GRID1: variants seen among roughly 807,000 people sequenced by gnomAD.
The protein encoded by GRID1 is glutamate ionotropic receptor delta type subunit 1.
In GRID1, 28 loss-of-function variants were observed where a neutral mutation model predicts 98.0. The ratio of observed to expected loss-of-function variants is 0.29; its 90% CI spans 0.21 to 0.39. The LOEUF (loss-of-function observed/expected upper bound fraction) is 0.39. Among genes scored for constraint, GRID1 ranks in the 10% least tolerant of loss-of-function variants. GRID1 has a pLI of 1.00. For synonymous variants in GRID1, 553 were observed against 538.5 expected (o/e 1.03, Z -0.37); for missense variants, 1,111 against 1,340.5 (o/e 0.83, Z 2.67).
chr10:86,179,722 C>A (rs1845628044), intron 3 of GRID1, among the ~76,000 whole-genome samples: 1 of 152,158 alleles, frequency 6.6e-6, no homozygotes, highest in Non-Finnish European at 1.5e-5. Flanking sequence ...CTAGCCCAAA[C>A]CAGTGCATCA....
chr10:86,224,771 C>A (rs1298263836), intron 2 of GRID1, among the ~76,000 whole-genome samples: 2 of 152,212 alleles, frequency 1.3e-5, no homozygotes, highest in Non-Finnish European at 2.9e-5. Flanking sequence ...AACCACCAAG[C>A]CCATGGCTCT....
intron 12 of GRID1, among the ~76,000 whole-genome samples, chr10:85,651,170 C>A (rs116078527): frequency 6.6e-6 from 1 of 152,206 alleles, no homozygotes; most frequent in African/African-American, 2.4e-5. Flanking sequence ...ATAACTCATA[C>A]CCAACTCACA....
Position 85,729,533 on chromosome 10 carries a change from G to T in GRID1, c.1315C>A (p.Leu439Ile). Residue 439 changes from leucine to isoleucine, a missense_variant, in exon 9 of 16, where the codon CTT (leucine) becomes ATT (isoleucine). By Grantham distance (5) the Leu-to-Ile change is conservative. Transcript: ENST00000327946. ...CCTACCAAGACAGTCACCACTTTAA[G>T]AGTCAATCCTTGGAGGCGGCTGCCC... ...PMGSRLQGLT[L>I]KVVTVLEEPF... 1 of 1,608,380 alleles carries T rather than the reference G, an allele frequency of 6.2e-7. No individual in the cohort carries two copies. Among genetic ancestry groups the T allele is most frequent in the Non-Finnish European group, 8.5e-7 (1 of 1,175,014 alleles).
chr10:85,918,433 CGCTGG>C (rs761175288), intron 4 of GRID1, among the ~76,000 whole-genome samples: 28 of 152,188 alleles, frequency 1.8e-4, no homozygotes, highest in Non-Finnish European at 3.5e-4. Flanking sequence ...AAAAGCACAT[CGCTGG>C]GCTCTAGCTC....
At chr10:85,925,498 G>A (rs1841762273) in intron 4 of GRID1, among the ~76,000 whole-genome samples, 2 of 152,172 alleles carry the variant, frequency 1.3e-5, no homozygotes, top group Non-Finnish European at 1.5e-5. Flanking sequence ...ACGGCCCTGG[G>A]GTGGCAGGTG....
intron 4 of GRID1, among the ~76,000 whole-genome samples, chr10:86,104,071 C>T (rs1439371158): frequency 2.6e-5 from 4 of 152,192 alleles, no homozygotes; most frequent in African/African-American, 7.2e-5. Context: ...CATACTTGTT[C>T]CAGTCTGGCA....
At chr10:85,649,899 C>G (rs1843244057) in intron 12 of GRID1, 2 of 152,302 alleles carry the variant, frequency 1.3e-5, no homozygotes, top group Admixed American at 1.3e-4. Context: ...CAGCTTTCAT[C>G]CATCCATCAC....
intron 2 of GRID1, among the ~76,000 whole-genome samples, chr10:86,239,156 G>A (rs1480004589): frequency 1.3e-5 from 2 of 152,262 alleles, no homozygotes; most frequent in Non-Finnish European, 2.9e-5. Context: ...CTTTGTATTA[G>A]TGTTGCCTGG....
intron 2 of GRID1, among the ~76,000 whole-genome samples, chr10:86,330,359 A>G (rs753974864): frequency 5.9e-5 from 9 of 151,754 alleles, no homozygotes; most frequent in Non-Finnish European, 7.4e-5. Context: ...GGTCCTGGCC[A>G]CCCCACAAGT....
At chr10:86,276,040 T>C (rs1847264518) in intron 2 of GRID1, among the ~76,000 whole-genome samples, 1 of 152,138 alleles carries the variant, frequency 6.6e-6, no homozygotes, top group Non-Finnish European at 1.5e-5. Context: ...AAGAAGGAAC[T>C]TGTCATGTAC....
intron 4 of GRID1, among the ~76,000 whole-genome samples, chr10:86,085,637 G>A (rs117111267): frequency 0.012 from 1,810 of 152,184 alleles, 10 homozygotes; most frequent in Non-Finnish European, 0.02. Flanking sequence ...CAGTCACAGG[G>A]AACATCTCCT....
intron 2 of GRID1, among the ~76,000 whole-genome samples, chr10:86,335,576 G>GATT (rs1193567735): frequency 2.6e-5 from 4 of 152,128 alleles, no homozygotes; most frequent in Non-Finnish European, 5.9e-5. Context: ...ATTCAATCTG[G>GATT]GACATACTGC....
chr10:86,274,773 CTT>C (rs1217899667), intron 2 of GRID1, among the ~76,000 whole-genome samples: 1 of 151,636 alleles, frequency 6.6e-6, no homozygotes, highest in Non-Finnish European at 1.5e-5. Context: ...TATCCTGAGA[CTT>C]TGCTGAAGTT....
At chr10:86,126,244 G>A (rs1352260823) in intron 4 of GRID1, among the ~76,000 whole-genome samples, 4 of 152,112 alleles carry the variant, frequency 2.6e-5, no homozygotes, top group Admixed American at 2.0e-4. Context: ...TCATGAGGTC[G>A]GCAGTTCAAG....
Position 86,066,044 on chromosome 10 carries a change from T to C in GRID1, c.726+72775A>G, listed in dbSNP as rs534527903. Among the ~76,000 whole-genome samples the C allele has an allele frequency of 5.3e-5, 8 of 152,358 alleles. No individual in the cohort carries two copies. In the South Asian group the frequency reaches 1.7e-3, roughly 32 times the overall value. ...TAAGTTGTTTTCCTGAGTAGTCACT[T>C]AGCTGACAAGCATTTTCTAATTGAC... On this transcript the variant is annotated intron_variant, in intron 4 of 15. Transcript: ENST00000327946.
At chr10:86,111,462 A>T (rs1206699160) in intron 4 of GRID1, among the ~76,000 whole-genome samples, 2 of 152,180 alleles carry the variant, frequency 1.3e-5, no homozygotes, top group African/African-American at 4.8e-5. Context: ...ATTTTGCCCC[A>T]ATCACTGAAG....
At chr10:86,351,245 G>A (rs1402541450) in intron 2 of GRID1, among the ~76,000 whole-genome samples, 10 of 152,258 alleles carry the variant, frequency 6.6e-5, no homozygotes, top group Admixed American at 6.5e-4. Context: ...GTGGCTCCGT[G>A]AAACATGCAC....
At chr10:85,627,460 G>A (rs900059232) in intron 13 of GRID1, among the ~76,000 whole-genome samples, 6 of 152,152 alleles carry the variant, frequency 3.9e-5, no homozygotes, top group South Asian at 2.1e-4. Flanking sequence ...CATTGTGACC[G>A]CCTCTTAAAT....
chr10:85,650,007 A>T (rs1054847880), intron 12 of GRID1: 3 of 152,254 alleles, frequency 2.0e-5, no homozygotes, highest in Non-Finnish European at 4.4e-5. Flanking sequence ...TGCCCAGCAC[A>T]GGGGGCACTA....
Sources: gnomAD v4.1 joint callset for allele counts (sites outside exome capture counted in the v4.1 genomes callset) on GRCh38, gnomAD v4.1.1 for gene constraint, MANE v1.5 for transcripts, NCBI Gene and HGNC (gene_info 2026-07-23, HGNC 2026-07-21) for gene names.